Variants in ZC2HC1B observed in about 807,000 individuals in gnomAD.
The protein encoded by ZC2HC1B is zinc finger C2HC-type containing 1B.
In ZC2HC1B, 36 loss-of-function variants were observed where a neutral mutation model predicts 31.0. The observed-to-expected ratio is 1.16, with a 90% CI of 0.89 to 1.54. The LOEUF (loss-of-function observed/expected upper bound fraction) is 1.54, where lower values mean the gene tolerates loss of function less well. ZC2HC1B is among the 40% of genes most tolerant of loss of function. The pLI, the probability that ZC2HC1B is intolerant of heterozygous loss-of-function variation, is 0.00. For synonymous variants in ZC2HC1B, 73 were observed against 88.0 expected (o/e 0.83, Z 0.95); for missense variants, 260 against 268.6 (o/e 0.97, Z 0.22).
chr6:143,873,458 C>T (rs7741093), intron 1 of ZC2HC1B, among the ~76,000 whole-genome samples: 28,523 of 152,046 alleles, frequency 0.19, 4,373 homozygotes, highest in African/African-American at 0.42. Flanking sequence ...ACAGCTCCAC[C>T]AGGGACTCTG....
chr6:143,907,408 G>A (rs1048439285), intron 6 of ZC2HC1B, among the ~76,000 whole-genome samples: 8 of 152,204 alleles, frequency 5.3e-5, no homozygotes, highest in African/African-American at 1.9e-4. Context: ...ACAGTGTACA[G>A]TGTTCCTTTT....
chr6:143,880,717 C>A (rs184814040), intron 1 of ZC2HC1B, among the ~76,000 whole-genome samples: 107 of 152,010 alleles, frequency 7.0e-4, no homozygotes, highest in African/African-American at 2.5e-3. Context: ...TACAAATGAG[C>A]ATGGCTGTGT....
At chr6:143,867,420 A>G (rs1307423035) in intron 1 of ZC2HC1B, among the ~76,000 whole-genome samples, 1 of 152,218 alleles carries the variant, frequency 6.6e-6, no homozygotes, top group African/African-American at 2.4e-5. Flanking sequence ...CAGAGTTTAC[A>G]AGAACCCATG....
At position 143,881,550 on chromosome 6, in the gene ZC2HC1B, C is replaced by CAAAAAAAAAA. The variant is rs1174647223; in HGVS notation, c.29-2736_29-2727dup. On this transcript the variant is annotated intron_variant, in intron 1 of 7. Transcript: ENST00000237275. Reference sequence around the variant, plus strand: ...TGGGTGAAAGACCGAGACCCTGTCTCAAAAAAAAAAAAAAAAAAAAAAAAA... The same window carrying CAAAAAAAAAA: ...TGGGTGAAAGACCGAGACCCTGTCTCAAAAAAAAAAAAAAAAAAAAAAAAAAAAAAAAAAA... 1.3e-3 allele frequency: 44 copies of CAAAAAAAAAA among 34,448 alleles called. 1 individual carries two copies. Among genetic ancestry groups the CAAAAAAAAAA allele is most frequent in the African/African-American group, 3.4e-3 (38 of 11,124 alleles). The allele number at this position is 34,448 out of a possible 1,614,324, so 2.1% of individuals were successfully genotyped here.
At chr6:143,916,932 T>C (rs1777923976) in intron 6 of ZC2HC1B, among the ~76,000 whole-genome samples, 1 of 152,162 alleles carries the variant, frequency 6.6e-6, no homozygotes, top group African/African-American at 2.4e-5. Flanking sequence ...GTTAAGACTT[T>C]GGGGGACTGT....
Position 143,898,528 on chromosome 6 carries a change from AT to A in ZC2HC1B, c.350-21del, listed in dbSNP as rs1426175887. The A allele has an allele frequency of 3.4e-5, 53 of 1,550,158 alleles. No individual in the cohort carries two copies. In the African/African-American group the frequency reaches 5.9e-4, roughly 17 times the overall value. On this transcript the variant is annotated intron_variant, in intron 4 of 7. Coordinates refer to ENST00000237275, the MANE Select transcript of ZC2HC1B (RefSeq NM_001013623.3). Reference sequence around the variant, plus strand: ...AGTTGTTTTTGAAGTGCTAATTGCCATTTGTTGTTATCTTTACATTCAGATT... The same window carrying A: ...AGTTGTTTTTGAAGTGCTAATTGCCATTGTTGTTATCTTTACATTCAGATT...
At chr6:143,931,781 T>C (rs1778121145) in intron 6 of ZC2HC1B, among the ~76,000 whole-genome samples, 1 of 152,172 alleles carries the variant, frequency 6.6e-6, no homozygotes, top group African/African-American at 2.4e-5. Flanking sequence ...GTCTTGACTT[T>C]TGATAACCTG....
At chr6:143,932,680 T>C (rs1778134242) in intron 6 of ZC2HC1B, among the ~76,000 whole-genome samples, 1 of 152,226 alleles carries the variant, frequency 6.6e-6, no homozygotes, top group African/African-American at 2.4e-5. Context: ...GCTTCTTGGT[T>C]TGGATCCATT....
rs1450239264 is a variant in ZC2HC1B, at chr6:143,869,853, T to C, written c.28+5286T>C. ...TGCATAACCTTCATTCCTGCCACCA[T>C]GGCCACTTTGTTCATGGGCCCATTG... On this transcript the variant is annotated intron_variant, in intron 1 of 7. Coordinates refer to ENST00000237275, the MANE Select transcript of ZC2HC1B (RefSeq NM_001013623.3). The surrounding 1 kb of genome is among the most constrained non-coding windows in gnomAD (Gnocchi z 5.2). Among the ~76,000 whole-genome samples the C allele has an allele frequency of 6.6e-6, 1 of 152,198 alleles. No homozygotes were observed. Among genetic ancestry groups the C allele is most frequent in the Non-Finnish European group, 1.5e-5 (1 of 68,036 alleles).
rs1562347708 is a variant in ZC2HC1B, at chr6:143,923,572, C to T, written c.599-14077C>T. 6.6e-6 allele frequency among the ~76,000 whole-genome samples: 1 copy of T among 151,996 alleles called. No homozygotes were observed. The highest frequency in any genetic ancestry group is 2.4e-5 in the African/African-American group (1 of 41,408). On this transcript the variant is annotated intron_variant, in intron 6 of 7. Coordinates refer to ENST00000237275, the MANE Select transcript of ZC2HC1B (RefSeq NM_001013623.3). The surrounding 1 kb of genome is among the most constrained non-coding windows in gnomAD (Gnocchi z 4.8). ...TTTCCCTATTTTCTTCTAGTAGTTT[C>T]ATAGTTTTGGGTCTTATGTTTAAGT...
rs942803863 is a variant in ZC2HC1B, at chr6:143,908,046, A to C, written c.598+4894A>C. Among the ~76,000 whole-genome samples the C allele has an allele frequency of 2.0e-5, 3 of 152,070 alleles. No individual in the cohort carries two copies. Among genetic ancestry groups the C allele is most frequent in the Admixed American group, 6.6e-5 (1 of 15,260 alleles). On this transcript the variant is annotated intron_variant, in intron 6 of 7. Coordinates refer to ENST00000237275, the MANE Select transcript of ZC2HC1B (RefSeq NM_001013623.3). The surrounding 1 kb of genome is among the most constrained non-coding windows in gnomAD (Gnocchi z 4.4). ...TTATTAAATAAAGAATTCTTTCCCCATTGCTTGTTTTTGTCAGGTTTGTTG... is the reference window on the plus strand; with the variant it reads ...TTATTAAATAAAGAATTCTTTCCCCCTTGCTTGTTTTTGTCAGGTTTGTTG...
chr6:143,875,222 T>A (rs1198047254), intron 1 of ZC2HC1B, among the ~76,000 whole-genome samples: 1 of 152,216 alleles, frequency 6.6e-6, no homozygotes, highest in Non-Finnish European at 1.5e-5. Context: ...ATTACAGGGA[T>A]CTTCAGAGAT....
At chr6:143,897,968 T>C (rs1210563129) in intron 4 of ZC2HC1B, among the ~76,000 whole-genome samples, 1 of 152,252 alleles carries the variant, frequency 6.6e-6, no homozygotes, top group African/African-American at 2.4e-5. Context: ...ATTGAGAAGT[T>C]CTTAAGATTA....
rs943268909 is a variant in ZC2HC1B, at chr6:143,922,647, A to G, written c.599-15002A>G. On this transcript the variant is annotated intron_variant, in intron 6 of 7. Transcript: ENST00000237275. This position sits in a 1 kb window ranked among gnomAD's most constrained non-coding sequence, Gnocchi z 5.0. ...TCTAGTTCCATACACATTGCTGCAA[A>G]TGACAGGATATCATTCTTTTTTTGT... Among the ~76,000 whole-genome samples, 1 of 152,244 alleles carries G rather than the reference A, an allele frequency of 6.6e-6. No individual in the cohort carries two copies. Among genetic ancestry groups the G allele is most frequent in the Admixed American group, 6.5e-5 (1 of 15,290 alleles).
chr6:143,879,204 C>A (rs1417809337), intron 1 of ZC2HC1B, among the ~76,000 whole-genome samples: 1 of 152,158 alleles, frequency 6.6e-6, no homozygotes, highest in Admixed American at 6.5e-5. Context: ...TCAGTTCTCC[C>A]TTACTGTTAG....
Position 143,884,283 on chromosome 6 carries a change from G to A in ZC2HC1B, c.29-21G>A. On this transcript the variant is annotated intron_variant, in intron 1 of 7. Coordinates refer to ENST00000237275, the MANE Select transcript of ZC2HC1B (RefSeq NM_001013623.3). The surrounding 1 kb of genome is among the most constrained non-coding windows in gnomAD (Gnocchi z 5.1). ...GGAAATTCCATGAAACTAACATAAT[G>A]TGCTCTTGAATTTTACACAGATGGC... is the stretch of plus-strand genomic sequence containing the variant. 1 of 1,520,890 alleles carries A rather than the reference G, an allele frequency of 6.6e-7. No individual in the cohort carries two copies. The highest frequency in any genetic ancestry group is 8.9e-7 in the Non-Finnish European group (1 of 1,124,092). The allele number at this position is 1,520,890 out of a possible 1,614,324, so 94.2% of individuals were successfully genotyped here.
intron 1 of ZC2HC1B, among the ~76,000 whole-genome samples, chr6:143,864,923 G>T (rs984595347): frequency 6.6e-6 from 1 of 152,176 alleles, no homozygotes; most frequent in East Asian, 1.9e-4. Context: ...CTCAACTGAA[G>T]ATTCTCAAAA....
chr6:143,928,967 T>A (rs570929082), intron 6 of ZC2HC1B, among the ~76,000 whole-genome samples: 1 of 152,274 alleles, frequency 6.6e-6, no homozygotes, highest in South Asian at 2.1e-4. Flanking sequence ...AATTCATTTA[T>A]CAAATCTAGC....
intron 6 of ZC2HC1B, among the ~76,000 whole-genome samples, chr6:143,904,052 T>A (rs1462210054): frequency 6.6e-6 from 1 of 152,218 alleles, no homozygotes; most frequent in Non-Finnish European, 1.5e-5. Context: ...TGAGGTGGTA[T>A]CTCATTTTAG....
Sources: allele counts gnomAD v4.1 joint callset (sites outside exome capture counted in the v4.1 genomes callset), GRCh38; gene constraint gnomAD v4.1.1; non-coding constraint Gnocchi (gnomAD v3.1); transcripts MANE v1.5; gene names NCBI Gene and HGNC (gene_info 2026-07-23, HGNC 2026-07-21).